PSMA3: variants seen among roughly 807,000 people sequenced by gnomAD.
PSMA3 encodes the protein proteasome 20S subunit alpha 3.
A neutral mutation model predicts 40.0 loss-of-function variants in PSMA3; 8 were observed. That is an observed-to-expected ratio of 0.20 (90% CI 0.12 to 0.36). PSMA3 has a LOEUF of 0.36. Ranked by LOEUF, PSMA3 falls within the 10% of genes least tolerant of loss-of-function variation. The pLI is 1.00. For missense variants in PSMA3, 219 were observed against 310.6 expected, an observed-to-expected ratio of 0.70 and a Z score of 2.22; for synonymous variants, 110 against 100.0, an observed-to-expected ratio of 1.10 and a Z score of -0.59.
At chr14:58,250,649 T>C (rs868495680) in intron 2 of PSMA3, among the ~76,000 whole-genome samples, 1 of 152,216 alleles carries the variant, frequency 6.6e-6, no homozygotes, top group African/African-American at 2.4e-5. Context: ...GTTGTGTGCA[T>C]CTGTTGTTCA....
intron 3 of PSMA3, among the ~76,000 whole-genome samples, chr14:58,256,525 T>TGCCTCG (rs1445273984): frequency 6.6e-6 from 1 of 151,608 alleles, no homozygotes; most frequent in Non-Finnish European, 1.5e-5. Context: ...AGCAATTCTC[T>TGCCTCG]GCCTCGGCCT....
rs1890639886 is a variant in PSMA3, at chr14:58,271,966, T to C, written c.*71T>C. 1 of 1,117,352 alleles carries C rather than the reference T, an allele frequency of 8.9e-7. No homozygotes were observed. Among genetic ancestry groups the C allele is most frequent in the Non-Finnish European group, 1.3e-6 (1 of 753,158 alleles). The allele number at this position is 1,117,352 out of a possible 1,614,324, so 69.2% of individuals were successfully genotyped here. On this transcript the variant is annotated 3_prime_UTR_variant, in exon 11 of 11. Transcript: ENST00000216455. ...AATGTAACTATTTAGCCCTGGATTA[T>C]ACATACTGTCCAATTTTCATTAAAT...
At chr14:58,247,544 A>G (rs1889907565) in intron 1 of PSMA3, among the ~76,000 whole-genome samples, 1 of 152,218 alleles carries the variant, frequency 6.6e-6, no homozygotes, top group Non-Finnish European at 1.5e-5. Context: ...ACCTGTATCC[A>G]TTACTCTTCA....
intron 6 of PSMA3, among the ~76,000 whole-genome samples, chr14:58,262,912 C>T (rs1165227674): frequency 1.3e-5 from 2 of 151,216 alleles, no homozygotes; most frequent in Non-Finnish European, 2.9e-5. Flanking sequence ...ACATTTTTGT[C>T]GTTTTTACTA....
intron 7 of PSMA3, 135 bp downstream of exon 7, chr14:58,263,905 A>G: frequency 2.8e-6 from 2 of 717,720 alleles, no homozygotes; most frequent in Non-Finnish European, 4.8e-6. Flanking sequence ...ATACACCAAC[A>G]CTAATGATAG....
At position 58,261,039 on chromosome 14, in the gene PSMA3, T is replaced by C. The variant is rs1890267026; in HGVS notation, c.477+19T>C. 2.0e-6 allele frequency: 3 copies of C among 1,537,148 alleles called. No individual in the cohort carries two copies. Among genetic ancestry groups the C allele is most frequent in the African/African-American group, 2.7e-5 (2 of 73,172 alleles). On this transcript the variant is annotated intron_variant, in intron 6 of 10. Coordinates refer to ENST00000216455, the MANE Select transcript of PSMA3 (RefSeq NM_002788.4). Reference sequence around the variant, plus strand: ...TTCATACGTGAGTAATTTTGAATCATTTGAAATTCTATTTTAGTTTAATGG... The same window carrying C: ...TTCATACGTGAGTAATTTTGAATCACTTGAAATTCTATTTTAGTTTAATGG...
rs545708507 is a variant in PSMA3, at chr14:58,262,279, T to A, written c.477+1259T>A. Among the ~76,000 whole-genome samples the A allele has an allele frequency of 3.9e-5, 6 of 152,212 alleles. No individual in the cohort carries two copies. The South Asian group carries it at 1.0e-3, about 26-fold the overall frequency. ...CTCTGTCACCCAGACTGGAGTGCAG[T>A]GGCGCCAAACCTCCACCTCCCCAGT... On this transcript the variant is annotated intron_variant, in intron 6 of 10. Coordinates refer to ENST00000216455, the MANE Select transcript of PSMA3 (RefSeq NM_002788.4).
At chr14:58,255,837 A>G (rs749321744) in intron 3 of PSMA3, among the ~76,000 whole-genome samples, 8 of 152,064 alleles carry the variant, frequency 5.3e-5, no homozygotes, top group Non-Finnish European at 8.8e-5. Flanking sequence ...CGGCACATAC[A>G]TAGTAACTGC....
chr14:58,244,896 T>C lies in PSMA3; in HGVS notation c.-25T>C, dbSNP rs1889841858. 4 of 1,614,210 alleles carry C rather than the reference T, an allele frequency of 2.5e-6. No homozygotes were observed. Among genetic ancestry groups the C allele is most frequent in the Non-Finnish European group, 3.4e-6 (4 of 1,180,014 alleles). ...GGAAGCGCTCCGGGCCTGGAATCCC[T>C]ACGCGTCCCTTTGGGTTTAGCACGA... On this transcript the variant is annotated 5_prime_UTR_variant, in exon 1 of 11. Coordinates refer to ENST00000216455, the MANE Select transcript of PSMA3 (RefSeq NM_002788.4).
At chr14:58,267,221 C>G (rs561249030) in intron 7 of PSMA3, 33 of 369,250 alleles carry the variant, frequency 8.9e-5, no homozygotes, top group Middle Eastern at 1.1e-3. Context: ...AGGCTGGTCT[C>G]GAACTTCTGA....
chr14:58,247,583 A>G (rs1437228709), intron 1 of PSMA3, among the ~76,000 whole-genome samples, 167 bp from the exon 2 acceptor site: 1 of 152,208 alleles, frequency 6.6e-6, no homozygotes, highest in Non-Finnish European at 1.5e-5. Flanking sequence ...ATATAGCTTT[A>G]TCTTAGCTAC....
At chr14:58,246,799 C>A (rs1348045787) in intron 1 of PSMA3, among the ~76,000 whole-genome samples, 2 of 152,182 alleles carry the variant, frequency 1.3e-5, no homozygotes. Flanking sequence ...CTTTGGAACA[C>A]CTTATCTTTG....
In PSMA3 at chr14:58,244,867, T is replaced by C. The variant is rs1479139242; in HGVS notation, c.-54T>C. The C allele has an allele frequency of 2.7e-5, 44 of 1,613,888 alleles. No homozygotes were observed. In the South Asian group the frequency reaches 4.1e-4, roughly 15 times the overall value. On this transcript the variant is annotated 5_prime_UTR_variant, in exon 1 of 11. Transcript: ENST00000216455. The stretch of plus-strand genomic sequence containing the variant: ...TACTAGTTTGCGGCATCCTGTGGTA[T>C]AGGGGAAGCGCTCCGGGCCTGGAAT...
intron 5 of PSMA3, among the ~76,000 whole-genome samples, chr14:58,260,210 G>A (rs1347732537): frequency 6.6e-6 from 1 of 152,154 alleles, no homozygotes; most frequent in Non-Finnish European, 1.5e-5. Context: ...AAATGGTTAA[G>A]TATTTGCATA....
In PSMA3 at chr14:58,265,469, A is replaced by G. The variant is rs574026089; in HGVS notation, c.543+1699A>G. The G allele has an allele frequency of 2.6e-5, 4 of 152,304 alleles. No homozygotes were observed. The East Asian group carries it at 7.7e-4, about 29-fold the overall frequency. 9.4% of individuals were successfully genotyped at this position (152,304 alleles called of 1,614,324 possible). On this transcript the variant is annotated intron_variant, in intron 7 of 10. Coordinates refer to ENST00000216455, the MANE Select transcript of PSMA3 (RefSeq NM_002788.4). ...TATGGCCCACTGCCTGCTTTTGTGTAAGTTTTATTGGAACACAGCTACATT... is the reference window on the plus strand; with the variant it reads ...TATGGCCCACTGCCTGCTTTTGTGTGAGTTTTATTGGAACACAGCTACATT...
intron 5 of PSMA3, among the ~76,000 whole-genome samples, chr14:58,259,492 T>G (rs945051879): frequency 6.6e-6 from 1 of 152,104 alleles, no homozygotes; most frequent in African/African-American, 2.4e-5. Flanking sequence ...TTTTTTTATT[T>G]TTAGTACAGT....
chr14:58,256,877 G>C (rs1890156451), intron 3 of PSMA3, among the ~76,000 whole-genome samples: 1 of 150,360 alleles, frequency 6.7e-6, no homozygotes, highest in South Asian at 2.1e-4. Flanking sequence ...CCAACATTTT[G>C]GGAGGCTGAG....
chr14:58,271,735 G>C lies in PSMA3; in HGVS notation c.724-116G>C, dbSNP rs974970020. 4.2e-6 allele frequency: 3 copies of C among 722,310 alleles called. No homozygotes were observed. The African/African-American group carries it at 5.3e-5, about 13-fold the overall frequency. The allele number at this position is 722,310 out of a possible 1,614,324, so 44.7% of individuals were successfully genotyped here. Reference sequence around the variant, plus strand: ...ATCTTATTCTGAAACTGTTCATTCAGTTACAAGTAGAGGAATTTAACCACT... The same window carrying C: ...ATCTTATTCTGAAACTGTTCATTCACTTACAAGTAGAGGAATTTAACCACT... On this transcript the variant is annotated intron_variant, in intron 10 of 10. Transcript: ENST00000216455.
Position 58,244,845 on chromosome 14 carries a change from T to C in PSMA3, c.-76T>C. ...TTCAGCCAATGAGCGGGCCTGTTAC[T>C]AGTTTGCGGCATCCTGTGGTATAGG... On this transcript the variant is annotated 5_prime_UTR_variant, in exon 1 of 11. Transcript: ENST00000216455. 6.3e-7 allele frequency: 1 copy of C among 1,592,450 alleles called. No homozygotes were observed.
Sources: allele counts gnomAD v4.1 joint callset (sites outside exome capture counted in the v4.1 genomes callset), GRCh38; gene constraint gnomAD v4.1.1; transcripts MANE v1.5; gene names NCBI Gene and HGNC (gene_info 2026-07-23, HGNC 2026-07-21).